The following RTRAF variants were observed in gnomAD, a reference collection of about 807,000 sequenced individuals.
RTRAF encodes the protein RNA transcription, translation and transport factor, also known as tRNA-splicing ligase complex subunit RTRAF.
RTRAF carries 14 observed loss-of-function variants against 34.4 expected under a neutral mutation model. The observed-to-expected ratio is 0.41, with a 90% CI of 0.27 to 0.64. RTRAF has a LOEUF of 0.64. Among genes scored for constraint, RTRAF ranks in the 30% least tolerant of loss-of-function variants. The pLI, the probability that RTRAF is intolerant of heterozygous loss-of-function variation, is 0.34. For synonymous variants in RTRAF, 96 were observed against 95.3 expected, an observed-to-expected ratio of 1.01 and a Z score of -0.04; for missense variants, 291 against 288.4, an observed-to-expected ratio of 1.01 and a Z score of -0.06.
chr14:51,999,170 A>T (rs1040129170), intron 4 of RTRAF, among the ~76,000 whole-genome samples: 3 of 152,022 alleles, frequency 2.0e-5, no homozygotes, highest in African/African-American at 7.2e-5. Context: ...AATGTTAATT[A>T]AAAGTGCTGT....
At chr14:51,989,757 C>T in intron 1 of RTRAF, 57 bp downstream of exon 1, 4 of 1,519,648 alleles carry the variant, frequency 2.6e-6, no homozygotes, top group Admixed American at 2.0e-5. Context: ...AGGTCCCAGC[C>T]TCAGTGCCCG....
rs747031503 is a variant in RTRAF, at chr14:52,001,845, T to C, written c.510T>C (p.Ala170=). Residue 170 remains alanine, a synonymous_variant, in exon 6 of 8, where the codon GCT becomes GCC. Transcript: ENST00000261700. ...VQERLTQDAV[A]KANQTKEGLP... is the part of the protein sequence containing the mutation. ...AGCGCCTGACACAGGATGCAGTTGC[T>C]AAGGCAAATCAAACAAAAGAGGTAC... The C allele has an allele frequency of 3.5e-5, 57 of 1,609,200 alleles. No homozygotes were observed. The South Asian group carries it at 6.3e-4, about 18-fold the overall frequency.
chr14:52,004,025 G>A (rs1890659151), intron 6 of RTRAF, 169 bp from the exon 7 acceptor site: 2 of 636,506 alleles, frequency 3.1e-6, no homozygotes, highest in Admixed American at 3.1e-5. Flanking sequence ...GGGAAAACTC[G>A]CTAATCACAA....
At chr14:52,003,775 A>T (rs75294755) in intron 6 of RTRAF, among the ~76,000 whole-genome samples, 1,990 of 152,330 alleles carry the variant, frequency 0.013, 15 homozygotes, top group Middle Eastern at 0.02. Flanking sequence ...ATTTGTAAAG[A>T]CAAATTAATG....
At position 51,995,039 on chromosome 14, in the gene RTRAF, A is replaced by G. The variant is rs117049892; in HGVS notation, c.286+1217A>G. Among the ~76,000 whole-genome samples, 740 of 151,824 alleles carry G rather than the reference A, an allele frequency of 4.9e-3. 4 individuals are homozygous for G. Among genetic ancestry groups the G allele is most frequent in the Non-Finnish European group, 8.1e-3 (549 of 67,898 alleles). ...CTGAACTTCCATAGCTTTTAACCCT[A>G]TACATTTTAAGTCATTAACCACTTT... On this transcript the variant is annotated intron_variant, in intron 3 of 7. Coordinates refer to ENST00000261700, the MANE Select transcript of RTRAF (RefSeq NM_016039.3).
At chr14:51,996,989 G>A (rs1469042159) in intron 3 of RTRAF, among the ~76,000 whole-genome samples, 3 of 151,850 alleles carry the variant, frequency 2.0e-5, no homozygotes. Flanking sequence ...TTAGATTTGG[G>A]GTTTATACTT....
intron 4 of RTRAF, 81 bp from the exon 5 acceptor site, chr14:51,999,627 T>A (rs1890571125): frequency 1.0e-6 from 1 of 989,930 alleles, no homozygotes; most frequent in African/African-American, 1.6e-5. Context: ...AAGTTAAAAA[T>A]GTTTTTGTAT....
rs529394914 is a variant in RTRAF, at chr14:52,008,995, T to C, written c.*4479T>C. 1.8e-4 allele frequency: 28 copies of C among 152,356 alleles called. 1 individual carries two copies. Among genetic ancestry groups the C allele is most frequent in the African/African-American group, 6.7e-4 (28 of 41,580 alleles). The allele number at this position is 152,356 out of a possible 1,614,324, so 9.4% of individuals were successfully genotyped here. On this transcript the variant is annotated 3_prime_UTR_variant, in exon 8 of 8. Transcript: ENST00000261700. ...GGTTATAAGGAAACAAACAGGTTTATCGTTAGAGCAGAAATAATGTTGAAA... is the reference window on the plus strand; with the variant it reads ...GGTTATAAGGAAACAAACAGGTTTACCGTTAGAGCAGAAATAATGTTGAAA...
At chr14:52,002,886 T>A (rs1890623239) in intron 6 of RTRAF, among the ~76,000 whole-genome samples, 1 of 152,228 alleles carries the variant, frequency 6.6e-6, no homozygotes, top group Non-Finnish European at 1.5e-5. Context: ...TTTTAAAGGT[T>A]CTTACTGGCT....
rs752367669 is a variant in RTRAF at position 52,005,820 on chromosome 14, CTATGTT to C, written c.*1308_*1313del. On this transcript the variant is annotated 3_prime_UTR_variant, in exon 8 of 8. Coordinates refer to ENST00000261700, the MANE Select transcript of RTRAF (RefSeq NM_016039.3). The stretch of plus-strand genomic sequence containing the variant: ...GAGATACTCATCAGTAAACTGGCCA[CTATGTT>C]TATTTACTGATACAACACCATCCCT... 48 of 1,613,414 alleles carry C rather than the reference CTATGTT, an allele frequency of 3.0e-5. No homozygotes were observed. The highest frequency in any genetic ancestry group is 4.1e-5 in the Non-Finnish European group (48 of 1,179,424).
chr14:52,000,238 A>C (rs1890579850), intron 5 of RTRAF, among the ~76,000 whole-genome samples: 1 of 152,108 alleles, frequency 6.6e-6, no homozygotes, highest in Non-Finnish European at 1.5e-5. Context: ...GATGGTCGAA[A>C]ATGCCAAATG....
chr14:52,005,675 A>G lies in RTRAF; in HGVS notation c.*1159A>G. 1 of 1,439,766 alleles carries G rather than the reference A, an allele frequency of 6.9e-7. No individual in the cohort carries two copies. Among genetic ancestry groups the G allele is most frequent in the South Asian group, 1.1e-5 (1 of 87,330 alleles). The allele number at this position is 1,439,766 out of a possible 1,614,324, so 89.2% of individuals were successfully genotyped here. On this transcript the variant is annotated 3_prime_UTR_variant, in exon 8 of 8. Coordinates refer to ENST00000261700, the MANE Select transcript of RTRAF (RefSeq NM_016039.3). ...TCACAGGCAGCAGGGGTAATCAAATACCATATATATCCCTTCTCTACCCTG... is the reference window on the plus strand; with the variant it reads ...TCACAGGCAGCAGGGGTAATCAAATGCCATATATATCCCTTCTCTACCCTG...
rs2140336043 is a variant in RTRAF, at chr14:52,005,651, CACAGGCA to C, written c.*1136_*1142del. 2 of 1,370,786 alleles carry C rather than the reference CACAGGCA, an allele frequency of 1.5e-6. No homozygotes were observed. Among genetic ancestry groups the C allele is most frequent in the East Asian group, 2.3e-5 (1 of 43,524 alleles). 84.9% of individuals were successfully genotyped at this position (1,370,786 alleles called of 1,614,324 possible). On this transcript the variant is annotated 3_prime_UTR_variant, in exon 8 of 8. Coordinates refer to ENST00000261700, the MANE Select transcript of RTRAF (RefSeq NM_016039.3). ...AGGAAGAAGGCAATGGTGGCAGTGT[CACAGGCA>C]GCAGGGGTAATCAAATACCATATAT...
chr14:52,005,976 C>CTAAAGCCATACTGAA lies in RTRAF; in HGVS notation c.*1461_*1475dup. ...AGCCTTCTCTGTCCCAGGGCTGGTG[C>CTAAAGCCATACTGAA]TAAAGCCATACTGAAGTTTGAAGAC... On this transcript the variant is annotated 3_prime_UTR_variant, in exon 8 of 8. Coordinates refer to ENST00000261700, the MANE Select transcript of RTRAF (RefSeq NM_016039.3). The CTAAAGCCATACTGAA allele has an allele frequency of 1.5e-6, 1 of 674,680 alleles. No individual in the cohort carries two copies. The highest frequency in any genetic ancestry group is 2.7e-5 in the East Asian group (1 of 36,832). 41.8% of individuals were successfully genotyped at this position (674,680 alleles called of 1,614,324 possible). A position where few individuals can be genotyped will look rare whatever the true frequency, so the allele number is the denominator to read the frequency against.
intron 6 of RTRAF, among the ~76,000 whole-genome samples, chr14:52,003,113 G>A (rs1487429902): frequency 1.3e-5 from 2 of 152,132 alleles, no homozygotes; most frequent in Admixed American, 6.5e-5. Flanking sequence ...TATTTTTAAT[G>A]CTCCCAATTT....
rs531962791 is a variant in RTRAF at position 51,992,787 on chromosome 14, T to A, written c.187-936T>A. On this transcript the variant is annotated intron_variant, in intron 2 of 7. Transcript: ENST00000261700. ...GGCTCATGCCTATAATCCAAGCAGT[T>A]TGGGAAGCCAAGATGGGTGGATCAC... Among the ~76,000 whole-genome samples the A allele has an allele frequency of 4.6e-5, 7 of 152,272 alleles. No individual in the cohort carries two copies. The South Asian group carries it at 1.5e-3, about 32-fold the overall frequency.
At chr14:51,998,414 C>T in intron 3 of RTRAF, 80 bp from the exon 4 acceptor site, 4 of 718,750 alleles carry the variant, frequency 5.6e-6, no homozygotes, top group Non-Finnish European at 8.8e-6. Flanking sequence ...CATTTTGGCT[C>T]AGTTAAATTT....
In RTRAF at chr14:51,999,779, TAC is replaced by T; in HGVS notation, c.446_447del (p.Tyr149SerfsTer5). ...NLLQIQRHDD[Y>X]LVMLKAIRIL... ...GCTTCAGATTCAGCGTCATGATGAT[TAC>T]CTGGTAATGCTTAAGGTCAGCTTCA... On this transcript the variant is annotated frameshift_variant, in exon 5 of 8. Coordinates refer to ENST00000261700, the MANE Select transcript of RTRAF (RefSeq NM_016039.3). LOFTEE classifies it high-confidence loss of function. 6.2e-7 allele frequency: 1 copy of T among 1,609,386 alleles called. No homozygotes were observed. Among genetic ancestry groups the T allele is most frequent in the Non-Finnish European group, 8.5e-7 (1 of 1,176,560 alleles).
intron 5 of RTRAF, 150 bp downstream of exon 5, chr14:51,999,946 A>G: frequency 1.7e-6 from 1 of 575,492 alleles, no homozygotes; most frequent in East Asian, 2.8e-5. Flanking sequence ...TCATGGTTTT[A>G]TCTGATTTGG....
Sources: allele counts gnomAD v4.1 joint callset (sites outside exome capture counted in the v4.1 genomes callset), GRCh38; gene constraint gnomAD v4.1.1; transcripts MANE v1.5; gene names NCBI Gene and HGNC (gene_info 2026-07-23, HGNC 2026-07-21).